STK32B: variants seen among roughly 807,000 people sequenced by gnomAD.
The protein encoded by STK32B is serine/threonine-protein kinase 32B.
A neutral mutation model predicts 52.6 loss-of-function variants in STK32B; 43 were observed. That is an observed-to-expected ratio of 0.82 (90% CI 0.64 to 1.05). The LOEUF is 1.05. Ranked by LOEUF, STK32B falls within the 50% of genes least tolerant of loss-of-function variation. The probability of loss-of-function intolerance (pLI) is 0.00; values close to 1 mark genes in which losing one functional copy is unlikely to be tolerated. For synonymous variants in STK32B, 238 were observed against 204.3 expected, an observed-to-expected ratio of 1.17 and a Z score of -1.41; for missense variants, 621 against 534.6, an observed-to-expected ratio of 1.16 and a Z score of -1.59.
chr4:5,119,290 G>T (rs1468950778), intron 1 of STK32B, among the ~76,000 whole-genome samples: 1 of 152,220 alleles, frequency 6.6e-6, no homozygotes, highest in Non-Finnish European at 1.5e-5. Flanking sequence ...AAATTATGTG[G>T]ACATTAGACA....
At chr4:5,348,951 C>T (rs1213606622) in intron 4 of STK32B, among the ~76,000 whole-genome samples, 1 of 152,162 alleles carries the variant, frequency 6.6e-6, no homozygotes, top group East Asian at 1.9e-4. Flanking sequence ...CAGCAGGTAC[C>T]CACCCACATG....
At chr4:5,407,622 G>A (rs112371144) in intron 5 of STK32B, among the ~76,000 whole-genome samples, 11,096 of 152,074 alleles carry the variant, frequency 0.073, 473 homozygotes, top group African/African-American at 0.12. Flanking sequence ...GGGGAAGTAA[G>A]TAGGTCCTCA....
Position 5,416,924 on chromosome 4 carries a change from G to C in STK32B, c.552G>C (p.Lys184Asn). The change falls in exon 6 of 12, where the codon AAG (lysine) becomes AAC (asparagine). Residue 184 changes from lysine (K) to asparagine (N), a missense_variant. Lys to Asn is a moderately conservative substitution (Grantham distance 94, BLOSUM62 0). Transcript: ENST00000282908. ...GGGCTTCCTCCATGGCTGGCACCAA[G>C]CCCTACATGGGTGAGTGTTCCAGGC... is the stretch of plus-strand genomic sequence containing the variant. ...AERASSMAGT[K>N]PYMAPEVFQV... 1 of 1,612,872 alleles carries C rather than the reference G, an allele frequency of 6.2e-7. No individual in the cohort carries two copies. The highest frequency in any genetic ancestry group is 8.5e-7 in the Non-Finnish European group (1 of 1,179,452).
At chr4:5,227,666 G>T (rs1723968661) in intron 3 of STK32B, among the ~76,000 whole-genome samples, 1 of 152,204 alleles carries the variant, frequency 6.6e-6, no homozygotes, top group African/African-American at 2.4e-5. Context: ...TGCAAAATGT[G>T]TCTAGTCCAG....
At chr4:5,095,830 C>T (rs985934353) in intron 1 of STK32B, among the ~76,000 whole-genome samples, 5 of 152,146 alleles carry the variant, frequency 3.3e-5, no homozygotes, top group Non-Finnish European at 7.3e-5. Context: ...GTTTCAGTAT[C>T]CAATGCCAAT....
intron 1 of STK32B, among the ~76,000 whole-genome samples, chr4:5,101,567 T>C (rs1713789192): frequency 6.6e-6 from 1 of 152,234 alleles, no homozygotes; most frequent in South Asian, 2.1e-4. Context: ...TATTCCTTTA[T>C]CATTTTTTCT....
At chr4:5,314,674 C>T (rs893466091) in intron 3 of STK32B, among the ~76,000 whole-genome samples, 4 of 151,694 alleles carry the variant, frequency 2.6e-5, no homozygotes, top group Non-Finnish European at 5.9e-5. Context: ...CCGTCTTAAA[C>T]AAAAACTCAA....
At chr4:5,295,549 G>A (rs1729143003) in intron 3 of STK32B, among the ~76,000 whole-genome samples, 1 of 152,086 alleles carries the variant, frequency 6.6e-6, no homozygotes, top group South Asian at 2.1e-4. Flanking sequence ...AGATTTTCTA[G>A]TTTATTTGCA....
Position 5,380,749 on chromosome 4 carries a change from A to G in STK32B, c.435-17458A>G, listed in dbSNP as rs1422715336. 6.6e-6 allele frequency among the ~76,000 whole-genome samples: 1 copy of G among 151,950 alleles called. No homozygotes were observed. The highest frequency in any genetic ancestry group is 1.5e-5 in the Non-Finnish European group (1 of 67,982). ...GCCCTGCATTTTCTTTTTGCACTGG[A>G]CTCCACCCATTTTGTAGCTGACACT... On this transcript the variant is annotated intron_variant, in intron 4 of 11. Coordinates refer to ENST00000282908, the MANE Select transcript of STK32B (RefSeq NM_018401.3). The surrounding 1 kb of genome is among the most constrained non-coding windows in gnomAD (Gnocchi z 4.3).
At chr4:5,248,346 T>G (rs1431873772) in intron 3 of STK32B, among the ~76,000 whole-genome samples, 2 of 152,356 alleles carry the variant, frequency 1.3e-5, no homozygotes, top group East Asian at 3.9e-4. Flanking sequence ...GATAGCTGTT[T>G]AGCTTTCTAG....
upstream of STK32B, among the ~76,000 whole-genome samples, chr4:5,047,397 C>G (rs1369817734): frequency 6.6e-6 from 1 of 151,984 alleles, no homozygotes; most frequent in African/African-American, 2.4e-5. Context: ...AGCAAACCAC[C>G]ACGGCACATG....
rs1188276226 is a variant in STK32B at position 5,065,915 on chromosome 4, G to C, written c.52+14000G>C. On this transcript the variant is annotated intron_variant, in intron 1 of 11. Transcript: ENST00000282908. ...ATTCTTGTATTTTTAGTAGTGACAG[G>C]GTTTCACTATGTTGGCCAGGCTAGT... Among the ~76,000 whole-genome samples the C allele has an allele frequency of 2.0e-5, 3 of 151,978 alleles. No individual in the cohort carries two copies. In the East Asian group the frequency reaches 5.8e-4, roughly 29 times the overall value.
At chr4:5,348,616 T>C (rs1332324705) in intron 4 of STK32B, among the ~76,000 whole-genome samples, 1 of 152,110 alleles carries the variant, frequency 6.6e-6, no homozygotes, top group Non-Finnish European at 1.5e-5. Context: ...CACCCCCAAG[T>C]TGCCTGATTA....
chr4:5,096,686 G>A (rs1486480994), intron 1 of STK32B, among the ~76,000 whole-genome samples: 4 of 152,104 alleles, frequency 2.6e-5, no homozygotes, highest in South Asian at 2.1e-4. Context: ...GGCCAGTCGC[G>A]AACACCATGA....
At chr4:5,357,072 TACACACACACACGTATACACACAC>T (rs1410507220) in intron 4 of STK32B, among the ~76,000 whole-genome samples, 28 of 143,750 alleles carry the variant, frequency 1.9e-4, no homozygotes, top group Admixed American at 1.7e-3. Context: ...TACACACATA[TACACACACACACGTATACACACAC>T]ACACACACAC....
At chr4:5,420,164 A>G (rs527682843) in intron 6 of STK32B, among the ~76,000 whole-genome samples, 11 of 152,204 alleles carry the variant, frequency 7.2e-5, no homozygotes, top group East Asian at 1.9e-4. Context: ...ACCCAGGTCA[A>G]TGTGACTCCA....
At chr4:5,377,712 G>A (rs923435870) in intron 4 of STK32B, among the ~76,000 whole-genome samples, 1 of 152,164 alleles carries the variant, frequency 6.6e-6, no homozygotes, top group Admixed American at 6.5e-5. Context: ...GAGGTCTCAT[G>A]GGATCTGATG....
intron 3 of STK32B, among the ~76,000 whole-genome samples, chr4:5,198,010 G>A (rs1399306238): frequency 6.7e-6 from 1 of 149,488 alleles, no homozygotes; most frequent in African/African-American, 2.5e-5. Context: ...TTTTTTTTCT[G>A]CATGTTAGTT....
intron 3 of STK32B, among the ~76,000 whole-genome samples, chr4:5,289,685 ATTTTTTTTTTTTT>A (rs56211807): frequency 1.8e-4 from 16 of 86,882 alleles, no homozygotes; most frequent in Admixed American, 4.9e-4. Context: ...TGCCCGGCTA[ATTTTTTTTTTTTT>A]TTTTTTTTTT....
Sources: gnomAD v4.1 joint callset for allele counts (sites outside exome capture counted in the v4.1 genomes callset) on GRCh38, gnomAD v4.1.1 for gene constraint, Gnocchi (gnomAD v3.1) non-coding constraint, MANE v1.5 for transcripts, NCBI Gene and HGNC (gene_info 2026-07-23, HGNC 2026-07-21) for gene names.